FMNL2: variants seen among roughly 807,000 people sequenced by gnomAD.
FMNL2 encodes formin like 2, also known as formin-like protein 2.
A neutral mutation model predicts 130.2 loss-of-function variants in FMNL2; 51 were observed. The observed-to-expected ratio is 0.39, with a 90% confidence interval of 0.31 to 0.49. The LOEUF is 0.49. Ranked by LOEUF, FMNL2 falls within the 20% of genes least tolerant of loss-of-function variation. The pLI, the probability that FMNL2 is intolerant of heterozygous loss-of-function variation, is 0.85. For synonymous variants in FMNL2, 465 were observed against 467.1 expected (o/e 1.00, Z 0.06); for missense variants, 977 against 1,316.2 (o/e 0.74, Z 3.99).
intron 1 of FMNL2, among the ~76,000 whole-genome samples, chr2:152,363,916 C>T (rs4547484): frequency 0.67 from 101,135 of 151,702 alleles, 35,816 homozygotes; most frequent in Admixed American, 0.8. Flanking sequence ...CAATACTCTA[C>T]ATGAATATTT....
chr2:152,620,097 A>T (rs1055491304), intron 15 of FMNL2, among the ~76,000 whole-genome samples: 36 of 151,744 alleles, frequency 2.4e-4, no homozygotes, highest in African/African-American at 8.2e-4. Flanking sequence ...AGGCACAGAC[A>T]TTGAGTGCTT....
chr2:152,490,652 C>T lies in FMNL2; in HGVS notation c.118-31291C>T, dbSNP rs182664800. Among the ~76,000 whole-genome samples, 5 of 141,372 alleles carry T rather than the reference C, an allele frequency of 3.5e-5. No individual in the cohort carries two copies. The South Asian group carries it at 6.9e-4, about 19-fold the overall frequency. The allele number at this position is 141,372 out of a possible 152,430, so 92.7% of individuals were successfully genotyped here. A position where few individuals can be genotyped will look rare whatever the true frequency, so the allele number is the denominator to read the frequency against. ...TAAAAAACCTGTTGCTTCCATGCAA[C>T]GGCCCACACAACTTGGGACTCATGG... On this transcript the variant is annotated intron_variant, in intron 1 of 25. Transcript: ENST00000288670.
At chr2:152,613,133 G>A (rs901449713) in intron 11 of FMNL2, among the ~76,000 whole-genome samples, 1 of 152,232 alleles carries the variant, frequency 6.6e-6, no homozygotes, top group Non-Finnish European at 1.5e-5. Flanking sequence ...CCATTAAAAT[G>A]TTGTTTGAAT....
At chr2:152,574,629 C>T (rs1696375953) in intron 6 of FMNL2, among the ~76,000 whole-genome samples, 1 of 152,036 alleles carries the variant, frequency 6.6e-6, no homozygotes, top group Admixed American at 6.6e-5. Context: ...TACAATTTAA[C>T]AAAAGGCAGT....
chr2:152,547,002 G>A (rs1694683207), intron 3 of FMNL2, among the ~76,000 whole-genome samples: 1 of 148,906 alleles, frequency 6.7e-6, no homozygotes, highest in South Asian at 2.1e-4. Flanking sequence ...ATGGAGTGCA[G>A]TGGCCCGATT....
chr2:152,434,575 T>C (rs1489345769), intron 1 of FMNL2, among the ~76,000 whole-genome samples: 1 of 152,012 alleles, frequency 6.6e-6, no homozygotes, highest in Non-Finnish European at 1.5e-5. Flanking sequence ...AGTGATTAGG[T>C]GGCACCATGG....
chr2:152,453,851 C>T (rs967305767), intron 1 of FMNL2, among the ~76,000 whole-genome samples: 19 of 152,228 alleles, frequency 1.2e-4, no homozygotes, highest in African/African-American at 4.3e-4. Context: ...AATGTGCTCT[C>T]GTGTCCTAGC....
intron 1 of FMNL2, among the ~76,000 whole-genome samples, chr2:152,509,376 A>G (rs1484403964): frequency 6.6e-6 from 1 of 152,136 alleles, no homozygotes; most frequent in African/African-American, 2.4e-5. Context: ...ACCACACATC[A>G]GAATTAATTT....
chr2:152,641,631 T>C (rs1683089096), intron 25 of FMNL2, among the ~76,000 whole-genome samples: 1 of 152,204 alleles, frequency 6.6e-6, no homozygotes, highest in Non-Finnish European at 1.5e-5. Flanking sequence ...GCAGATGTAC[T>C]GAAAATAGTA....
At chr2:152,342,598 C>T in intron 1 of FMNL2, among the ~76,000 whole-genome samples, 1 of 152,210 alleles carries the variant, frequency 6.6e-6, no homozygotes, top group African/African-American at 2.4e-5. Flanking sequence ...TGCTTGTCTT[C>T]CCTTTAGAAT....
intron 1 of FMNL2, among the ~76,000 whole-genome samples, chr2:152,498,077 C>A (rs1015063693): frequency 1.3e-5 from 2 of 152,186 alleles, no homozygotes; most frequent in Non-Finnish European, 2.9e-5. Context: ...CAGACCCACC[C>A]AGGATAATCC....
At chr2:152,471,925 T>C (rs1689880853) in intron 1 of FMNL2, among the ~76,000 whole-genome samples, 1 of 152,182 alleles carries the variant, frequency 6.6e-6, no homozygotes, top group Admixed American at 6.5e-5. Flanking sequence ...ACAGTTTCAG[T>C]AGTGCGACTC....
chr2:152,622,873 C>G lies in FMNL2; in HGVS notation c.1838-2565C>G, dbSNP rs149626322. On this transcript the variant is annotated intron_variant, in intron 15 of 25. Transcript: ENST00000288670. Reference sequence around the variant, plus strand: ...TATATTTGTATCTGAGACTTCAACTCTAAGAACAAAAAAAAGGTGCCAGGT... The same window carrying G: ...TATATTTGTATCTGAGACTTCAACTGTAAGAACAAAAAAAAGGTGCCAGGT... Among the ~76,000 whole-genome samples, 668 of 147,950 alleles carry G rather than the reference C, an allele frequency of 4.5e-3. 2 individuals carry two copies. The highest frequency in any genetic ancestry group is 0.016 in the African/African-American group (648 of 39,918).
At chr2:152,627,810 CA>C (rs1681898297) in intron 17 of FMNL2, among the ~76,000 whole-genome samples, 2 of 151,924 alleles carry the variant, frequency 1.3e-5, no homozygotes, top group Admixed American at 6.6e-5. Flanking sequence ...CATTTTTTTC[CA>C]AAGAAGAAAA....
chr2:152,420,406 AG>A (rs1166546379), intron 1 of FMNL2, among the ~76,000 whole-genome samples: 4 of 152,220 alleles, frequency 2.6e-5, no homozygotes, highest in Non-Finnish European at 4.4e-5. Context: ...TAGGAAAAAA[AG>A]TCACACCCCT....
rs771625998 is a variant in FMNL2, at chr2:152,589,940, CATATATATATATAT to C, written c.876+8922_876+8935del. On this transcript the variant is annotated intron_variant, in intron 9 of 25. Transcript: ENST00000288670. ...ATGTACCACCACACCTGGCTTTATA[CATATATATATATAT>C]ATATATATATATATATATATATATA... 1.7e-3 allele frequency among the ~76,000 whole-genome samples: 112 copies of C among 67,022 alleles called. 1 individual carries two copies. The highest frequency in any genetic ancestry group is 8.0e-3 in the East Asian group (11 of 1,380). The allele number at this position is 67,022 out of a possible 152,430, so 44.0% of individuals were successfully genotyped here. A position where few individuals can be genotyped will look rare whatever the true frequency, so the allele number is the denominator to read the frequency against.
intron 1 of FMNL2, among the ~76,000 whole-genome samples, chr2:152,440,026 AG>A (rs1687973883): frequency 1.3e-5 from 2 of 152,104 alleles, no homozygotes; most frequent in African/African-American, 4.8e-5. Flanking sequence ...AGAACATCTA[AG>A]GATAAGCCAC....
chr2:152,643,918 C>G lies in FMNL2; in HGVS notation c.3169+3004C>G, dbSNP rs1193823813. The stretch of plus-strand genomic sequence containing the variant: ...CCATTAATAACAATAACTGCTATAC[C>G]TAACATGTATTAAGAACTTACTGTG... On this transcript the variant is annotated intron_variant, in intron 25 of 25. Coordinates refer to ENST00000288670, the MANE Select transcript of FMNL2 (RefSeq NM_052905.4). The G allele has an allele frequency of 3.1e-6, 3 of 981,092 alleles. No homozygotes were observed. The Admixed American group carries it at 1.8e-4, about 60-fold the overall frequency. 60.8% of individuals were successfully genotyped at this position (981,092 alleles called of 1,614,324 possible).
intron 15 of FMNL2, among the ~76,000 whole-genome samples, chr2:152,623,111 C>G (rs538213860): frequency 6.6e-6 from 1 of 152,154 alleles, no homozygotes; most frequent in Admixed American, 6.5e-5. Context: ...TATTCCTGAC[C>G]TTGCTAAATA....
Sources: allele counts gnomAD v4.1 joint callset (sites outside exome capture counted in the v4.1 genomes callset), GRCh38; gene constraint gnomAD v4.1.1; transcripts MANE v1.5; gene names NCBI Gene and HGNC (gene_info 2026-07-23, HGNC 2026-07-21).